CAMTA1: variants seen among roughly 807,000 people sequenced by gnomAD.
CAMTA1 encodes calmodulin-binding transcription activator 1.
A neutral mutation model predicts 170.9 loss-of-function variants in CAMTA1; 27 were observed. The observed-to-expected ratio is 0.16, with a 90% CI of 0.12 to 0.22. The LOEUF is 0.22. Ranked by LOEUF, CAMTA1 falls within the 10% of genes least tolerant of loss-of-function variation. The probability of loss-of-function intolerance (pLI) is 1.00; values close to 1 mark genes in which losing one functional copy is unlikely to be tolerated. For synonymous variants in CAMTA1, 833 were observed against 891.5 expected, an observed-to-expected ratio of 0.93 and a Z score of 1.17; for missense variants, 1,619 against 2,217.2, an observed-to-expected ratio of 0.73 and a Z score of 5.42.
intron 5 of CAMTA1, among the ~76,000 whole-genome samples, chr1:7,353,816 G>A (rs1164785746): frequency 6.6e-6 from 1 of 152,116 alleles, no homozygotes; most frequent in Non-Finnish European, 1.5e-5. Context: ...TGGGTAAATT[G>A]TGTGTCACTG....
intron 4 of CAMTA1, among the ~76,000 whole-genome samples, chr1:7,123,448 T>G (rs1256810051): frequency 6.6e-6 from 1 of 152,174 alleles, no homozygotes; most frequent in Non-Finnish European, 1.5e-5. Context: ...TCACAGGTAC[T>G]GGGGTGGGAC....
chr1:7,392,598 G>A (rs1557642765), intron 5 of CAMTA1, among the ~76,000 whole-genome samples: 2 of 27,236 alleles, frequency 7.3e-5, no homozygotes, highest in Non-Finnish European at 1.3e-4. Flanking sequence ...GCTGGAGGTG[G>A]GCGCAATAGC....
chr1:7,359,868 G>A (rs192486136), intron 5 of CAMTA1, among the ~76,000 whole-genome samples: 9 of 152,262 alleles, frequency 5.9e-5, no homozygotes, highest in Admixed American at 4.6e-4. Flanking sequence ...TAGGGCTGCC[G>A]TACCACAAAC....
At chr1:7,143,952 ACT>A (rs1408239656) in intron 4 of CAMTA1, among the ~76,000 whole-genome samples, 1 of 152,058 alleles carries the variant, frequency 6.6e-6, no homozygotes. Flanking sequence ...CCACAAAGCC[ACT>A]CTGTGTGTCA....
intron 11 of CAMTA1, among the ~76,000 whole-genome samples, chr1:7,688,939 G>A (rs1194221541): frequency 2.0e-5 from 3 of 152,138 alleles, no homozygotes; most frequent in Non-Finnish European, 2.9e-5. Flanking sequence ...GTGTCATATG[G>A]ACCATACTTC....
chr1:7,047,978 C>G (rs1349595036), intron 3 of CAMTA1, among the ~76,000 whole-genome samples: 1 of 152,170 alleles, frequency 6.6e-6, no homozygotes, highest in Non-Finnish European at 1.5e-5. Flanking sequence ...TAGGACATCT[C>G]TCACCCTACC....
intron 7 of CAMTA1, among the ~76,000 whole-genome samples, chr1:7,650,777 G>C (rs2095843981): frequency 6.6e-6 from 1 of 152,198 alleles, no homozygotes; most frequent in South Asian, 2.1e-4. Flanking sequence ...GAGTTGAGTG[G>C]TGAGATCGGG....
At chr1:7,196,238 G>A (rs980986296) in intron 4 of CAMTA1, among the ~76,000 whole-genome samples, 3 of 151,994 alleles carry the variant, frequency 2.0e-5, no homozygotes, top group Non-Finnish European at 2.9e-5. Flanking sequence ...CTGGTAAGAC[G>A]TGCTTGCTTC....
intron 3 of CAMTA1, among the ~76,000 whole-genome samples, chr1:6,902,272 T>C (rs1379828603): frequency 1.3e-5 from 2 of 152,228 alleles, no homozygotes; most frequent in African/African-American, 2.4e-5. Flanking sequence ...CAGAAATTTG[T>C]ATGGGAACAT....
At chr1:6,812,024 G>A (rs1181335249) in intron 1 of CAMTA1, among the ~76,000 whole-genome samples, 2 of 152,200 alleles carry the variant, frequency 1.3e-5, no homozygotes, top group Admixed American at 1.3e-4. Flanking sequence ...GGTGTATGTG[G>A]TAGCATTCTG....
intron 9 of CAMTA1, among the ~76,000 whole-genome samples, chr1:7,666,449 A>G (rs994079014): frequency 2.0e-5 from 3 of 152,214 alleles, no homozygotes; most frequent in Admixed American, 2.0e-4. Context: ...CCACTACTCC[A>G]AAGACCAAAG....
At chr1:7,398,183 CTCTCTCTCTCTATATATATATATA>C (rs1463210042) in intron 5 of CAMTA1, among the ~76,000 whole-genome samples, 140 of 45,206 alleles carry the variant, frequency 3.1e-3, no homozygotes, top group African/African-American at 9.6e-3. Context: ...CTCTCTCTCT[CTCTCTCTCTCTATATATATATATA>C]TATATATATA....
intron 6 of CAMTA1, among the ~76,000 whole-genome samples, chr1:7,554,361 G>A (rs943284710): frequency 3.3e-5 from 5 of 152,162 alleles, no homozygotes; most frequent in African/African-American, 1.2e-4. Context: ...TGTTCTAGGT[G>A]TGAGGTTGCT....
At position 7,224,394 on chromosome 1, in the gene CAMTA1, C is replaced by T. The variant is rs1056960942; in HGVS notation, c.303-25097C>T. On this transcript the variant is annotated intron_variant, in intron 4 of 22. Coordinates refer to ENST00000303635, the MANE Select transcript of CAMTA1 (RefSeq NM_015215.4). This position sits in a 1 kb window ranked among gnomAD's most constrained non-coding sequence, Gnocchi z 5.2. ...AGGGCGCCACAGCTGGATGGCTCAGCGTCCACCCAAAGGGAAGTGGAAAAA... is the reference window on the plus strand; with the variant it reads ...AGGGCGCCACAGCTGGATGGCTCAGTGTCCACCCAAAGGGAAGTGGAAAAA... Among the ~76,000 whole-genome samples the T allele has an allele frequency of 2.6e-5, 4 of 152,180 alleles. No homozygotes were observed. Among genetic ancestry groups the T allele is most frequent in the African/African-American group, 4.8e-5 (2 of 41,446 alleles).
At chr1:7,201,764 G>C (rs1656746221) in intron 4 of CAMTA1, among the ~76,000 whole-genome samples, 1 of 152,090 alleles carries the variant, frequency 6.6e-6, no homozygotes, top group Non-Finnish European at 1.5e-5. Context: ...TAAGTTGTAA[G>C]AGTTCTTTAT....
intron 6 of CAMTA1, among the ~76,000 whole-genome samples, chr1:7,492,716 CACAA>C (rs1320470575): frequency 6.7e-6 from 1 of 149,192 alleles, no homozygotes; most frequent in African/African-American, 2.5e-5. Context: ...CAGGCACACA[CACAA>C]ACACAAACCT....
intron 3 of CAMTA1, among the ~76,000 whole-genome samples, chr1:6,938,909 C>T (rs1470394232): frequency 1.3e-5 from 2 of 152,236 alleles, no homozygotes; most frequent in Non-Finnish European, 2.9e-5. Flanking sequence ...CCTCGCTGCC[C>T]TGCGGCCCCA....
At chr1:6,921,268 A>C (rs1681948651) in intron 3 of CAMTA1, among the ~76,000 whole-genome samples, 1 of 151,624 alleles carries the variant, frequency 6.6e-6, no homozygotes, top group African/African-American at 2.4e-5. Context: ...TAAATGTGGC[A>C]AGATGCCACT....
At chr1:6,841,833 A>G (rs541447517) in intron 3 of CAMTA1, among the ~76,000 whole-genome samples, 5 of 152,224 alleles carry the variant, frequency 3.3e-5, no homozygotes, top group Non-Finnish European at 7.3e-5. Context: ...ATAGAACAGC[A>G]GAAGGTACTG....
Sources: allele counts gnomAD v4.1 joint callset (sites outside exome capture counted in the v4.1 genomes callset), GRCh38; gene constraint gnomAD v4.1.1; non-coding constraint Gnocchi (gnomAD v3.1); transcripts MANE v1.5; gene names NCBI Gene and HGNC (gene_info 2026-07-23, HGNC 2026-07-21).